WDR49: variants seen among roughly 807,000 people sequenced by gnomAD.
WDR49 encodes cilia- and flagella-associated protein 337.
Under a neutral mutation model 119.5 loss-of-function variants are expected in WDR49, and 107 were observed. That is an observed-to-expected ratio of 0.90 (90% CI 0.77 to 1.05). The LOEUF (loss-of-function observed/expected upper bound fraction) is 1.05. WDR49 is among the 50% of genes least tolerant of loss of function. The probability of loss-of-function intolerance (pLI) is 0.00; values close to 1 mark genes in which losing one functional copy is unlikely to be tolerated. For missense variants in WDR49, 1,240 were observed against 1,220.5 expected (o/e 1.02, Z -0.24); for synonymous variants, 425 against 418.8 (o/e 1.01, Z -0.18).
chr3:167,490,894 C>T (rs1751109107), intron 18 of WDR49, among the ~76,000 whole-genome samples: 3 of 152,020 alleles, frequency 2.0e-5, no homozygotes, highest in South Asian at 2.1e-4. Flanking sequence ...TGCTACCTTG[C>T]ACAAATTGTC....
intron 2 of WDR49, among the ~76,000 whole-genome samples, chr3:167,649,682 C>G (rs1718281988): frequency 6.6e-6 from 1 of 152,196 alleles, no homozygotes; most frequent in Non-Finnish European, 1.5e-5. Context: ...TCTCACCACA[C>G]AGTCTCTGGG....
At chr3:167,615,154 T>C (rs1261106576) in intron 5 of WDR49, among the ~76,000 whole-genome samples, 1 of 152,210 alleles carries the variant, frequency 6.6e-6, no homozygotes, top group Non-Finnish European at 1.5e-5. Flanking sequence ...TGGTTATGAC[T>C]GAAGTATATT....
chr3:167,510,020 T>C (rs1472007238), intron 16 of WDR49, among the ~76,000 whole-genome samples: 1 of 152,240 alleles, frequency 6.6e-6, no homozygotes, highest in Non-Finnish European at 1.5e-5. Context: ...TGCCTAATGT[T>C]AACAATGGCT....
At chr3:167,635,699 G>A (rs556694500) in intron 2 of WDR49, among the ~76,000 whole-genome samples, 1 of 151,702 alleles carries the variant, frequency 6.6e-6, no homozygotes, top group South Asian at 2.1e-4. Flanking sequence ...TCACTGACCC[G>A]AGGTTTACTG....
At chr3:167,611,557 C>T (rs192578413) in intron 5 of WDR49, among the ~76,000 whole-genome samples, 133 of 151,994 alleles carry the variant, frequency 8.8e-4, no homozygotes, top group Non-Finnish European at 1.6e-3. Context: ...AAAAACAAGA[C>T]GCATTGAACT....
intron 16 of WDR49, among the ~76,000 whole-genome samples, chr3:167,514,165 G>C (rs1752102090): frequency 1.3e-5 from 2 of 152,014 alleles, no homozygotes. Flanking sequence ...CTTTCTTCTT[G>C]GTGCCACATG....
chr3:167,645,567 T>C (rs1264400402), intron 2 of WDR49, among the ~76,000 whole-genome samples: 1 of 152,144 alleles, frequency 6.6e-6, no homozygotes, highest in Non-Finnish European at 1.5e-5. Flanking sequence ...ATAAATGAAA[T>C]TTTATATGGC....
chr3:167,649,475 G>A (rs1718273743), intron 2 of WDR49, among the ~76,000 whole-genome samples: 1 of 152,128 alleles, frequency 6.6e-6, no homozygotes, highest in South Asian at 2.1e-4. Flanking sequence ...TACTGTTGAG[G>A]TGTTTTGGGA....
rs149501110 is a variant in WDR49, at chr3:167,522,503, T to C, written c.2605-19A>G. ...GCTTTGCCTGAAAAAAACGAAAACA[T>C]CTGTTTTATTTTTATGAAATTTATT... On this transcript the variant is annotated intron_variant, in intron 15 of 18. Coordinates refer to ENST00000682715, the MANE Select transcript of WDR49 (RefSeq NM_001366157.1). 8.1e-3 allele frequency: 12,534 copies of C among 1,553,490 alleles called. 74 individuals carry two copies. The highest frequency in any genetic ancestry group is 9.2e-3 in the South Asian group (780 of 84,664).
In WDR49 at chr3:167,594,864, C is replaced by A. The variant is rs370032631; in HGVS notation, c.1275+7263G>T. 2.3e-3 allele frequency among the ~76,000 whole-genome samples: 337 copies of A among 148,972 alleles called. 1 individual carries two copies. The highest frequency in any genetic ancestry group is 7.8e-3 in the African/African-American group (314 of 40,230). ...TTCAACATAGTGTTGGAAGTTCTGG[C>A]CAGGGCAATTAGGCAGGAGAAGGAA... On this transcript the variant is annotated intron_variant, in intron 7 of 18. Transcript: ENST00000682715.
intron 18 of WDR49, among the ~76,000 whole-genome samples, chr3:167,499,432 T>G (rs1000116825): frequency 6.6e-6 from 1 of 152,192 alleles, no homozygotes; most frequent in Non-Finnish European, 1.5e-5. Context: ...CTTAAACTTT[T>G]TATTAATTAT....
intron 16 of WDR49, 97 bp from the exon 17 acceptor site, chr3:167,505,513 C>CA (rs1751734406): frequency 1.5e-6 from 2 of 1,340,322 alleles, no homozygotes; most frequent in Non-Finnish European, 1.9e-6. Context: ...AAAACAAAAA[C>CA]AAAAACAAAA....
At chr3:167,608,012 G>A (rs1716145888) in intron 5 of WDR49, among the ~76,000 whole-genome samples, 2 of 152,078 alleles carry the variant, frequency 1.3e-5, no homozygotes, top group African/African-American at 2.4e-5. Context: ...GAAGTAATTC[G>A]TTCCTATAAA....
intron 18 of WDR49, among the ~76,000 whole-genome samples, chr3:167,490,838 C>T (rs1297759386): frequency 6.6e-6 from 1 of 152,100 alleles, no homozygotes; most frequent in Admixed American, 6.6e-5. Context: ...TTCCTCTTCT[C>T]CTTGGAAACA....
At chr3:167,585,251 A>G (rs1011671822) in intron 7 of WDR49, among the ~76,000 whole-genome samples, 5 of 152,124 alleles carry the variant, frequency 3.3e-5, no homozygotes, top group Non-Finnish European at 7.4e-5. Flanking sequence ...ACACTTTCAT[A>G]TACCCCTGAT....
intron 16 of WDR49, among the ~76,000 whole-genome samples, chr3:167,517,084 T>C (rs1482215492): frequency 6.6e-6 from 1 of 152,164 alleles, no homozygotes; most frequent in Non-Finnish European, 1.5e-5. Context: ...CTGGAGAGGA[T>C]GTGGGTAAAT....
chr3:167,494,069 A>G (rs1408929425), intron 18 of WDR49, among the ~76,000 whole-genome samples: 1 of 152,196 alleles, frequency 6.6e-6, no homozygotes, highest in East Asian at 1.9e-4. Context: ...TATCTTCAAA[A>G]TCATAATAGA....
At chr3:167,489,140 A>G (rs1751031491) in intron 18 of WDR49, among the ~76,000 whole-genome samples, 1 of 152,198 alleles carries the variant, frequency 6.6e-6, no homozygotes, top group South Asian at 2.1e-4. Context: ...CTTCCTAGAC[A>G]ATAAATTCAG....
At position 167,478,938 on chromosome 3, in the gene WDR49, T is replaced by G; in HGVS notation, c.3090A>C (p.Glu1030Asp). The G allele has an allele frequency of 6.2e-7, 1 of 1,609,866 alleles. No individual in the cohort carries two copies. Among genetic ancestry groups the G allele is most frequent in the Non-Finnish European group, 8.5e-7 (1 of 1,179,042 alleles). Residue 1030 changes from glutamate (E) to aspartate (D), a missense_variant, in exon 19 of 19, where the codon GAA becomes GAC. Coordinates refer to ENST00000682715, the MANE Select transcript of WDR49 (RefSeq NM_001366157.1). ...CTTGGCATAATTGCTTGGCTTTTCG[T>G]TCATGATGCAGAATTTCCTTGGGAA... ...NLFPKEILHHERKAKQLCQEK... is the reference protein window; with the variant it reads ...NLFPKEILHHDRKAKQLCQEK...
Sources: allele counts gnomAD v4.1 joint callset (sites outside exome capture counted in the v4.1 genomes callset), GRCh38; gene constraint gnomAD v4.1.1; transcripts MANE v1.5; gene names NCBI Gene and HGNC (gene_info 2026-07-23, HGNC 2026-07-21).